Variants in ACTR6 observed in about 807,000 individuals in gnomAD.
ACTR6 encodes actin-related protein 6.
ACTR6 carries 50 observed loss-of-function variants against 52.5 expected under a neutral mutation model. The observed-to-expected ratio is 0.95, with a 90% CI of 0.76 to 1.20. The LOEUF (loss-of-function observed/expected upper bound fraction) is 1.20, where lower values mean the gene tolerates loss of function less well. Ranked by LOEUF, ACTR6 falls within the 50% of genes most tolerant of loss-of-function variation. The pLI, the probability that ACTR6 is intolerant of heterozygous loss-of-function variation, is 0.00. For missense variants in ACTR6, 344 were observed against 472.4 expected (o/e 0.73, Z 2.52); for synonymous variants, 135 against 147.2 (o/e 0.92, Z 0.60).
At chr12:100,208,041 G>T (rs1266291990) in intron 4 of ACTR6, 1 of 305,560 alleles carries the variant, frequency 3.3e-6, no homozygotes, top group Admixed American at 4.7e-5. Flanking sequence ...CGCACCTGTA[G>T]TCCCAGCTAC....
At chr12:100,207,125 C>G (rs1316938787) in intron 3 of ACTR6, among the ~76,000 whole-genome samples, 1 of 152,018 alleles carries the variant, frequency 6.6e-6, no homozygotes, top group Non-Finnish European at 1.5e-5. Flanking sequence ...ACAATCATGG[C>G]TCACTGCAGC....
intron 8 of ACTR6, among the ~76,000 whole-genome samples, chr12:100,214,816 T>C (rs924327537): frequency 2.0e-5 from 3 of 152,092 alleles, no homozygotes; most frequent in African/African-American, 7.2e-5. Context: ...GAAATGGGAA[T>C]TGAGATAGAT....
chr12:100,203,469 A>T (rs767859241), intron 1 of ACTR6, among the ~76,000 whole-genome samples: 12 of 150,232 alleles, frequency 8.0e-5, no homozygotes, highest in Non-Finnish European at 1.3e-4. Context: ...ATGCCCAGCT[A>T]ATTTTTATAT....
At chr12:100,212,549 A>C in intron 8 of ACTR6, 21 bp downstream of exon 8, 1 of 1,583,340 alleles carries the variant, frequency 6.3e-7, no homozygotes, top group South Asian at 1.1e-5. Flanking sequence ...AAAACCATCA[A>C]TGGTTGGTTG....
chr12:100,217,693 A>G (rs940423458), intron 8 of ACTR6, among the ~76,000 whole-genome samples: 4 of 152,302 alleles, frequency 2.6e-5, no homozygotes, highest in Middle Eastern at 3.4e-3. Flanking sequence ...AAGTTCAAGG[A>G]TAAGGACCAT....
chr12:100,218,300 G>A lies in ACTR6; in HGVS notation c.751-115G>A. ...ATTTTGAGAATCCTGAAACTTCCAA[G>A]AACATTATTAATATATTATTAATAT... On this transcript the variant is annotated intron_variant, in intron 8 of 10. Transcript: ENST00000188312. This position sits in a 1 kb window ranked among gnomAD's most constrained non-coding sequence, Gnocchi z 4.2. The A allele has an allele frequency of 1.5e-6, 1 of 657,288 alleles. No individual in the cohort carries two copies. Among genetic ancestry groups the A allele is most frequent in the East Asian group, 4.3e-5 (1 of 23,434 alleles). 40.7% of individuals were successfully genotyped at this position (657,288 alleles called of 1,614,324 possible).
chr12:100,203,397 G>C (rs189014576), intron 1 of ACTR6, among the ~76,000 whole-genome samples: 8 of 152,120 alleles, frequency 5.3e-5, no homozygotes, highest in African/African-American at 1.9e-4. Flanking sequence ...TCCGCCTCCT[G>C]GGTTCAAGCA....
At chr12:100,202,713 C>A (rs575660446) in intron 1 of ACTR6, among the ~76,000 whole-genome samples, 1 of 152,148 alleles carries the variant, frequency 6.6e-6, no homozygotes, top group East Asian at 1.9e-4. Context: ...AAAAATTAGC[C>A]GGGCGTAGTG....
chr12:100,202,800 T>C (rs2096110899), intron 1 of ACTR6, among the ~76,000 whole-genome samples: 1 of 148,370 alleles, frequency 6.7e-6, no homozygotes, highest in African/African-American at 2.5e-5. Flanking sequence ...GAGCTTGCAG[T>C]GAGCCGAGAT....
intron 3 of ACTR6, among the ~76,000 whole-genome samples, chr12:100,206,976 A>G (rs1365328348): frequency 1.3e-5 from 2 of 151,118 alleles, no homozygotes; most frequent in East Asian, 3.9e-4. Context: ...ATCGTGCCTG[A>G]CCTTGTTTTC....
intron 10 of ACTR6, among the ~76,000 whole-genome samples, chr12:100,220,797 C>A (rs2096127533): frequency 6.6e-6 from 1 of 152,186 alleles, no homozygotes; most frequent in Admixed American, 6.5e-5. Flanking sequence ...GAGATTGAGA[C>A]CAGCCTGGGC....
chr12:100,220,869 C>T lies in ACTR6; in HGVS notation c.1061+723C>T, dbSNP rs186550860. Among the ~76,000 whole-genome samples, 288 of 152,134 alleles carry T rather than the reference C, an allele frequency of 1.9e-3. 2 individuals are homozygous for T. The highest frequency in any genetic ancestry group is 2.4e-3 in the Non-Finnish European group (163 of 67,996). On this transcript the variant is annotated intron_variant, in intron 10 of 10. Coordinates refer to ENST00000188312, the MANE Select transcript of ACTR6 (RefSeq NM_022496.5). Reference sequence around the variant, plus strand: ...GGATGTGCTGGTGTGCACCTGTAGTCCCAGCTACTCAGGAGGCTGAGGTAG... The same window carrying T: ...GGATGTGCTGGTGTGCACCTGTAGTTCCAGCTACTCAGGAGGCTGAGGTAG...
At chr12:100,212,964 A>C (rs936746098) in intron 8 of ACTR6, among the ~76,000 whole-genome samples, 1 of 147,074 alleles carries the variant, frequency 6.8e-6, no homozygotes, top group Admixed American at 7.0e-5. Context: ...CTGAGATCAC[A>C]CTATTGCACT....
chr12:100,208,401 A>G (rs1402795727), intron 4 of ACTR6, among the ~76,000 whole-genome samples: 1 of 151,692 alleles, frequency 6.6e-6, no homozygotes, highest in Non-Finnish European at 1.5e-5. Flanking sequence ...TCAGCCTCCC[A>G]AGTAGCTGGG....
At chr12:100,202,524 CAT>C (rs1310906414) in intron 1 of ACTR6, among the ~76,000 whole-genome samples, 2 of 151,938 alleles carry the variant, frequency 1.3e-5, no homozygotes, top group African/African-American at 4.8e-5. Context: ...CTCGTATACA[CAT>C]ACAGACACAT....
Position 100,201,311 on chromosome 12 carries a change from C to T in ACTR6, c.68+392C>T, listed in dbSNP as rs560166713. Among the ~76,000 whole-genome samples, 3 of 152,264 alleles carry T rather than the reference C, an allele frequency of 2.0e-5. No homozygotes were observed. The East Asian group carries it at 5.8e-4, about 29-fold the overall frequency. ...GGTTTCATTAGATTCTCAAAGGGTT[C>T]TATGACCCTCCAAAAGTCTAAAAAT... On this transcript the variant is annotated intron_variant, in intron 1 of 10. Transcript: ENST00000188312.
chr12:100,202,412 T>C (rs574673258), intron 1 of ACTR6, among the ~76,000 whole-genome samples: 23 of 152,248 alleles, frequency 1.5e-4, no homozygotes, highest in Non-Finnish European at 2.9e-4. Context: ...CTTAAAATTA[T>C]GTCTTCAAAG....
Position 100,204,963 on chromosome 12 carries a change from G to C in ACTR6, c.92G>C (p.Arg31Pro). 6.2e-7 allele frequency: 1 copy of C among 1,609,990 alleles called. No individual in the cohort carries two copies. Among genetic ancestry groups the C allele is most frequent in the Non-Finnish European group, 8.5e-7 (1 of 1,177,064 alleles). ...AGGGTTATTCCTAATTGTCAGTTCC[G>C]GTCAAAAACAGCACGTCTTAAAACT... is the stretch of plus-strand genomic sequence containing the variant. ...NVSVIPNCQF[R>P]SKTARLKTFT... The change falls in exon 2 of 11, where the codon CGG becomes CCG. Residue 31 changes from arginine to proline, a missense_variant. By Grantham distance (103) the Arg-to-Pro change is moderately radical (BLOSUM62 -2). Coordinates refer to ENST00000188312, the MANE Select transcript of ACTR6 (RefSeq NM_022496.5).
In ACTR6 at chr12:100,218,409, T is replaced by G; in HGVS notation, c.751-6T>G. 6.2e-7 allele frequency: 1 copy of G among 1,605,464 alleles called. No homozygotes were observed. The highest frequency in any genetic ancestry group is 8.5e-7 in the Non-Finnish European group (1 of 1,176,344). ...ACTTAAACTTTTAATCTTCTTTGTC[T>G]TTAAGCCAAGGGAAGAGATGGTGTT... On this transcript the variant is annotated splice_polypyrimidine_tract_variant and splice_region_variant and intron_variant, in intron 8 of 10. Coordinates refer to ENST00000188312, the MANE Select transcript of ACTR6 (RefSeq NM_022496.5). This position sits in a 1 kb window ranked among gnomAD's most constrained non-coding sequence, Gnocchi z 4.2.
Sources: allele counts gnomAD v4.1 joint callset (sites outside exome capture counted in the v4.1 genomes callset), GRCh38; gene constraint gnomAD v4.1.1; non-coding constraint Gnocchi (gnomAD v3.1); transcripts MANE v1.5; gene names NCBI Gene and HGNC (gene_info 2026-07-23, HGNC 2026-07-21).